Variants in GPC5 observed in about 807,000 individuals in gnomAD.
The protein encoded by GPC5 is glypican-5.
GPC5 carries 47 observed loss-of-function variants against 53.9 expected under a neutral mutation model. The ratio of observed to expected loss-of-function variants is 0.87; its 90% CI spans 0.69 to 1.11. GPC5 has a LOEUF of 1.11. Among genes scored for constraint, GPC5 ranks in the 50% most tolerant of loss-of-function variants. The pLI is 0.00. For missense variants in GPC5, 748 were observed against 713.1 expected, an observed-to-expected ratio of 1.05 and a Z score of -0.56; for synonymous variants, 286 against 263.3, an observed-to-expected ratio of 1.09 and a Z score of -0.84.
At chr13:92,379,600 C>T (rs1160659982) in intron 7 of GPC5, among the ~76,000 whole-genome samples, 5 of 151,002 alleles carry the variant, frequency 3.3e-5, no homozygotes, top group Admixed American at 1.3e-4. Flanking sequence ...ATATTAGTTC[C>T]TCTCTCTGTC....
intron 5 of GPC5, among the ~76,000 whole-genome samples, chr13:91,780,878 A>G (rs2037787282): frequency 6.6e-6 from 1 of 152,214 alleles, no homozygotes; most frequent in Non-Finnish European, 1.5e-5. Flanking sequence ...AAAGAAACAT[A>G]TAAGCTTTCT....
intron 7 of GPC5, among the ~76,000 whole-genome samples, chr13:92,842,507 G>C (rs1878461210): frequency 6.6e-6 from 1 of 152,020 alleles, no homozygotes; most frequent in African/African-American, 2.4e-5. Context: ...TTATCTCTCA[G>C]GTTACTAGGC....
At chr13:92,204,383 A>AC (rs765624788) in intron 7 of GPC5, among the ~76,000 whole-genome samples, 43 of 152,200 alleles carry the variant, frequency 2.8e-4, no homozygotes, top group Non-Finnish European at 5.0e-4. Flanking sequence ...AATGTCTGGG[A>AC]AGTGGTAACA....
chr13:92,292,583 T>C (rs187778089), intron 7 of GPC5, among the ~76,000 whole-genome samples: 4 of 152,314 alleles, frequency 2.6e-5, no homozygotes, highest in African/African-American at 4.8e-5. Flanking sequence ...CTTTGTCAGA[T>C]GTATAGATTG....
chr13:92,032,240 C>T (rs563665838), intron 6 of GPC5, among the ~76,000 whole-genome samples: 1 of 150,446 alleles, frequency 6.6e-6, no homozygotes, highest in Non-Finnish European at 1.5e-5. Flanking sequence ...TATGAGATTG[C>T]AAAGGCATAA....
intron 7 of GPC5, among the ~76,000 whole-genome samples, chr13:92,827,737 C>A (rs1295658863): frequency 6.6e-6 from 1 of 152,074 alleles, no homozygotes; most frequent in Non-Finnish European, 1.5e-5. Context: ...TAGCTGAAAG[C>A]CCTGATTGGG....
At chr13:92,257,693 G>A (rs1005721966) in intron 7 of GPC5, among the ~76,000 whole-genome samples, 6 of 151,618 alleles carry the variant, frequency 4.0e-5, no homozygotes, top group African/African-American at 1.5e-4. Context: ...TGGAACTACA[G>A]GTGGGCACCA....
chr13:92,637,646 T>C (rs1465088761), intron 7 of GPC5, among the ~76,000 whole-genome samples: 1 of 152,288 alleles, frequency 6.6e-6, no homozygotes, highest in East Asian at 1.9e-4. Context: ...TATTCCTAAG[T>C]AACTTAACTG....
intron 6 of GPC5, among the ~76,000 whole-genome samples, chr13:91,969,437 A>G (rs1410631028): frequency 6.6e-6 from 1 of 152,222 alleles, no homozygotes; most frequent in Non-Finnish European, 1.5e-5. Flanking sequence ...AATCATAGGT[A>G]GGAAAACTCT....
chr13:91,603,822 T>A (rs72641468), intron 2 of GPC5, among the ~76,000 whole-genome samples: 11,155 of 152,288 alleles, frequency 0.073, 501 homozygotes, highest in Non-Finnish European at 0.1. Context: ...AAGATCTATC[T>A]ATCTGTAAAT....
chr13:91,732,296 T>G (rs2140027682), intron 4 of GPC5, among the ~76,000 whole-genome samples: 1 of 152,272 alleles, frequency 6.6e-6, no homozygotes, highest in South Asian at 2.1e-4. Context: ...GATGTTGAGG[T>G]TTTTTTCATA....
intron 7 of GPC5, among the ~76,000 whole-genome samples, chr13:92,382,739 G>A (rs556565506): frequency 1.3e-5 from 2 of 152,128 alleles, no homozygotes; most frequent in African/African-American, 4.8e-5. Flanking sequence ...GGCCGGGCGC[G>A]GTGGCTCACG....
At chr13:91,593,141 G>A (rs1418641708) in intron 2 of GPC5, among the ~76,000 whole-genome samples, 3 of 152,342 alleles carry the variant, frequency 2.0e-5, no homozygotes, top group African/African-American at 7.2e-5. Flanking sequence ...GCAAGGGTGA[G>A]CAGCCCCACA....
chr13:92,066,457 A>G (rs1475955510), intron 6 of GPC5, among the ~76,000 whole-genome samples: 2 of 151,264 alleles, frequency 1.3e-5, no homozygotes, highest in Non-Finnish European at 2.9e-5. Context: ...GAAAAAAAAC[A>G]GCCTGCATGA....
intron 5 of GPC5, among the ~76,000 whole-genome samples, chr13:91,847,151 G>A (rs1003399887): frequency 2.7e-5 from 4 of 150,544 alleles, no homozygotes; most frequent in East Asian, 2.0e-4. Flanking sequence ...CCCAGGCGGC[G>A]GAGCTTGCAG....
chr13:92,089,291 A>C (rs2138893127), intron 6 of GPC5, among the ~76,000 whole-genome samples: 1 of 152,212 alleles, frequency 6.6e-6, no homozygotes, highest in South Asian at 2.1e-4. Flanking sequence ...AAAATTAGCC[A>C]GGCATTGTGG....
At chr13:91,647,151 A>G (rs2034580628) in intron 2 of GPC5, among the ~76,000 whole-genome samples, 1 of 150,496 alleles carries the variant, frequency 6.6e-6, no homozygotes, top group East Asian at 2.0e-4. Flanking sequence ...GTAATATTTA[A>G]GGGCTTACCC....
At chr13:91,682,148 T>C (rs865876498) in intron 2 of GPC5, among the ~76,000 whole-genome samples, 13 of 152,240 alleles carry the variant, frequency 8.5e-5, no homozygotes, top group African/African-American at 2.9e-4. Context: ...GTGCTGCAAC[T>C]TGATCATCTG....
At chr13:92,100,149 A>C (rs2041453801) in intron 6 of GPC5, among the ~76,000 whole-genome samples, 1 of 152,198 alleles carries the variant, frequency 6.6e-6, no homozygotes, top group Admixed American at 6.5e-5. Flanking sequence ...TCACGCCTGT[A>C]ATCCCAGCAC....
Sources: allele counts gnomAD v4.1 joint callset (sites outside exome capture counted in the v4.1 genomes callset), GRCh38; gene constraint gnomAD v4.1.1; transcripts MANE v1.5; gene names NCBI Gene and HGNC (gene_info 2026-07-23, HGNC 2026-07-21).